ARID1B: variants seen among roughly 807,000 people sequenced by gnomAD.
ARID1B encodes the protein AT-rich interaction domain 1B, also known as AT-rich interactive domain-containing protein 1B.
ARID1B carries 30 observed loss-of-function variants against 212.3 expected under a neutral mutation model. The observed-to-expected ratio is 0.14, with a 90% CI of 0.11 to 0.19. The LOEUF (loss-of-function observed/expected upper bound fraction) is 0.19, where lower values mean the gene tolerates loss of function less well. Ranked by LOEUF, ARID1B falls within the 10% of genes least tolerant of loss-of-function variation. The pLI is 1.00. For missense variants in ARID1B, 2,891 were observed against 3,204.0 expected, an observed-to-expected ratio of 0.90 and a Z score of 2.36; for synonymous variants, 1,402 against 1,301.7, an observed-to-expected ratio of 1.08 and a Z score of -1.66.
chr6:156,799,052 T>G (rs868460662), intron 1 of ARID1B, among the ~76,000 whole-genome samples: 1 of 152,198 alleles, frequency 6.6e-6, no homozygotes, highest in South Asian at 2.1e-4. Context: ...AAATTTCAAC[T>G]CGTGTACATG....
intron 2 of ARID1B, among the ~76,000 whole-genome samples, chr6:156,840,153 C>T (rs1783793846): frequency 6.6e-6 from 1 of 152,192 alleles, no homozygotes; most frequent in African/African-American, 2.4e-5. Flanking sequence ...GGCCACAACC[C>T]CTCCTCTGTT....
intron 2 of ARID1B, among the ~76,000 whole-genome samples, chr6:156,896,449 T>C (rs530199431): frequency 1.8e-4 from 27 of 150,818 alleles, no homozygotes; most frequent in African/African-American, 6.3e-4. Flanking sequence ...GGTGGCCCGC[T>C]CCTGTAATCC....
At chr6:156,791,559 C>G (rs1780010063) in intron 1 of ARID1B, among the ~76,000 whole-genome samples, 2 of 152,224 alleles carry the variant, frequency 1.3e-5, no homozygotes. Flanking sequence ...TTGAAACTTG[C>G]TGCCTCAGGA....
At chr6:157,008,685 A>G (rs925620816) in intron 4 of ARID1B, among the ~76,000 whole-genome samples, 2 of 152,052 alleles carry the variant, frequency 1.3e-5, no homozygotes, top group African/African-American at 4.8e-5. Flanking sequence ...GGCCTTACCA[A>G]GCATGGCTCA....
intron 3 of ARID1B, among the ~76,000 whole-genome samples, chr6:156,911,919 A>G (rs1016408639): frequency 3.9e-5 from 6 of 152,220 alleles, no homozygotes; most frequent in African/African-American, 9.6e-5. Context: ...ACTTTAAATA[A>G]CATGCTCACA....
intron 13 of ARID1B, 116 bp downstream of exon 13, chr6:157,184,551 G>T (rs541735745): frequency 6.7e-6 from 8 of 1,196,500 alleles, no homozygotes; most frequent in Non-Finnish European, 9.6e-6. Flanking sequence ...TTTGAGAGGT[G>T]GGGGGTTCCT....
chr6:157,098,099 A>G (rs77747221), intron 5 of ARID1B, among the ~76,000 whole-genome samples: 387 of 152,272 alleles, frequency 2.5e-3, no homozygotes, highest in Non-Finnish European at 4.5e-3. Flanking sequence ...GAGGAAAAAT[A>G]TTGAGGAGGA....
At chr6:156,948,574 C>G (rs1365894896) in intron 4 of ARID1B, among the ~76,000 whole-genome samples, 2 of 152,208 alleles carry the variant, frequency 1.3e-5, no homozygotes, top group Non-Finnish European at 2.9e-5. Context: ...CTTTCTTTAG[C>G]CAGCATGCCT....
intron 4 of ARID1B, among the ~76,000 whole-genome samples, chr6:156,972,751 CTGA>C: frequency 6.6e-6 from 1 of 152,210 alleles, no homozygotes; most frequent in East Asian, 1.9e-4. Context: ...AGAAATCAGA[CTGA>C]TTACAGTTCT....
intron 4 of ARID1B, among the ~76,000 whole-genome samples, chr6:157,002,631 C>G (rs1778973836): frequency 6.6e-6 from 1 of 152,174 alleles, no homozygotes; most frequent in South Asian, 2.1e-4. Context: ...AAAATAATTT[C>G]TTAGAATTGC....
At position 156,963,229 on chromosome 6, in the gene ARID1B, A is replaced by T. The variant is rs561645830; in HGVS notation, c.2247+27653A>T. ...CATCAAGTAATGAATTTAGATTTAGATTAGGGAGTAACAAAGAAGTCTGTT... is the reference window on the plus strand; with the variant it reads ...CATCAAGTAATGAATTTAGATTTAGTTTAGGGAGTAACAAAGAAGTCTGTT... On this transcript the variant is annotated intron_variant, in intron 4 of 19. Transcript: ENST00000636930. Among the ~76,000 whole-genome samples the T allele has an allele frequency of 2.0e-5, 3 of 152,312 alleles. No individual in the cohort carries two copies. The South Asian group carries it at 6.2e-4, about 32-fold the overall frequency.
At chr6:156,966,386 CTTTTTTTT>C (rs1214987532) in intron 4 of ARID1B, among the ~76,000 whole-genome samples, 2 of 38,918 alleles carry the variant, frequency 5.1e-5, no homozygotes, top group African/African-American at 7.8e-5. Context: ...CTTTTCTTTT[CTTTTTTTT>C]TTTTTTTTTT....
intron 4 of ARID1B, among the ~76,000 whole-genome samples, chr6:156,944,447 A>G (rs1792908537): frequency 6.6e-6 from 1 of 152,036 alleles, no homozygotes; most frequent in Admixed American, 6.6e-5. Flanking sequence ...CCTCTCCTGT[A>G]TGATCAGTTT....
At chr6:157,181,740 C>T (rs1792552848) in intron 12 of ARID1B, among the ~76,000 whole-genome samples, 1 of 152,164 alleles carries the variant, frequency 6.6e-6, no homozygotes, top group Non-Finnish European at 1.5e-5. Flanking sequence ...CCACTGTGTG[C>T]TTGCTTGACT....
intron 8 of ARID1B, among the ~76,000 whole-genome samples, chr6:157,161,954 T>C (rs1025568841): frequency 6.6e-6 from 1 of 152,210 alleles, no homozygotes; most frequent in Non-Finnish European, 1.5e-5. Flanking sequence ...ATTCCGAACA[T>C]AACTCAAGGG....
intron 4 of ARID1B, among the ~76,000 whole-genome samples, chr6:157,038,872 C>T (rs1781503778): frequency 6.6e-6 from 1 of 151,992 alleles, no homozygotes; most frequent in Non-Finnish European, 1.5e-5. Flanking sequence ...CGTGTTTGTT[C>T]TGTGGCCAAC....
upstream of ARID1B, chr6:156,777,061 A>C (rs1376810879): frequency 6.6e-6 from 1 of 152,218 alleles, no homozygotes; most frequent in Non-Finnish European, 1.5e-5. Context: ...TCTGCTCGTC[A>C]GACTCGTTTT....
At position 157,084,796 on chromosome 6, in the gene ARID1B, G is replaced by A. The variant is rs3734441; in HGVS notation, c.2382G>A (p.Ala794=). ...NPAQSPFSPH[A]SPHLSSIPGG... The stretch of plus-strand genomic sequence containing the variant: ...CGCAGTCGCCTTTCTCCCCACATGC[G>A]TCCCCTCATCTCTCCAGCATCCCGG... The change falls in exon 5 of 20, where the codon GCG becomes GCA. Residue 794 remains alanine, a synonymous_variant. Transcript: ENST00000636930. The A allele has an allele frequency of 0.52, 836,517 of 1,613,790 alleles. 219,781 individuals carry two copies. The highest frequency in any genetic ancestry group is 0.59 in the Admixed American group (35,519 of 60,016).
In ARID1B at chr6:156,812,975, T is replaced by TATACATAC. The variant is rs1159448637; in HGVS notation, c.1792-16252_1792-16251insATACATAC. ...GTGTGTGTGTGTGTGTGTGTGTGTG[T>TATACATAC]GTATGTATATACATACGTATGTATA... is the stretch of plus-strand genomic sequence containing the variant. On this transcript the variant is annotated intron_variant, in intron 1 of 19. Transcript: ENST00000636930. Among the ~76,000 whole-genome samples, 315 of 103,566 alleles carry TATACATAC rather than the reference T, an allele frequency of 3.0e-3. 5 individuals carry two copies. Among genetic ancestry groups the TATACATAC allele is most frequent in the Non-Finnish European group, 3.3e-3 (167 of 50,994 alleles). The allele number at this position is 103,566 out of a possible 152,430, so 67.9% of individuals were successfully genotyped here. A position where few individuals can be genotyped will look rare whatever the true frequency, so the allele number is the denominator to read the frequency against.
Sources: gnomAD v4.1 joint callset for allele counts (sites outside exome capture counted in the v4.1 genomes callset) on GRCh38, gnomAD v4.1.1 for gene constraint, MANE v1.5 for transcripts, NCBI Gene and HGNC (gene_info 2026-07-23, HGNC 2026-07-21) for gene names.